The following POLRMT variants were observed in gnomAD, a reference collection of about 807,000 sequenced individuals.
The protein encoded by POLRMT is RNA polymerase mitochondrial.
POLRMT carries 114 observed loss-of-function variants against 132.2 expected under a neutral mutation model. That is an observed-to-expected ratio of 0.86 (90% CI 0.74 to 1.01). The LOEUF is 1.01. Among genes scored for constraint, POLRMT ranks in the 50% least tolerant of loss-of-function variants. The pLI is 0.00. For missense variants in POLRMT, 2,003 were observed against 1,729.1 expected (o/e 1.16, Z -2.81); for synonymous variants, 1,020 against 773.4 (o/e 1.32, Z -5.29).
In POLRMT at chr19:617,468, G is replaced by T. The variant is rs752550126; in HGVS notation, c.3594C>A (p.Ile1198=). ...VKRFCSEPQK[I]LEASQLKETL... is the part of the protein sequence containing the mutation. ...TCTCCTTCAGCTGGCTGGCCTCCAA[G>T]ATCTTCTGGGGCCTGGGGTTGGAAG... Residue 1198 remains isoleucine, a synonymous_variant, in exon 20 of 21, where the codon ATC becomes ATA. Transcript: ENST00000588649. 2.5e-6 allele frequency: 4 copies of T among 1,603,172 alleles called. No individual in the cohort carries two copies. The South Asian group carries it at 4.4e-5, about 18-fold the overall frequency.
Position 630,128 on chromosome 19 carries a change from C to G in POLRMT, c.234G>C (p.Val78=). ...ARVRQLQAES[V]SEVVVNRVDV... is the part of the protein sequence containing the mutation. ...CCACCCTGTTCACCACCACCTCCGA[C>G]ACGCTCTCAGCCTGCAGCTGCCGCA... Residue 78 remains valine (V), a synonymous_variant, in exon 3 of 21, where the codon GTG becomes GTC. Transcript: ENST00000588649. 1 of 1,610,016 alleles carries G rather than the reference C, an allele frequency of 6.2e-7. No homozygotes were observed. Among genetic ancestry groups the G allele is most frequent in the Non-Finnish European group, 8.5e-7 (1 of 1,177,714 alleles).
rs199810114 is a variant in POLRMT, at chr19:617,256, G to A, written c.*18C>T. 4.3e-6 allele frequency: 7 copies of A among 1,612,270 alleles called. No individual in the cohort carries two copies. In the African/African-American group the frequency reaches 8.0e-5, roughly 18 times the overall value. ...GGCAAAAGAGCTTTATTTACACACT[G>A]ACAAGGCTCACGGGGTGTCAGCTGA... On this transcript the variant is annotated 3_prime_UTR_variant, in exon 21 of 21. Coordinates refer to ENST00000588649, the MANE Select transcript of POLRMT (RefSeq NM_005035.4).
intron 11 of POLRMT, 31 bp downstream of exon 11, chr19:620,334 C>G (rs750524678): frequency 6.5e-7 from 1 of 1,538,016 alleles, no homozygotes; most frequent in African/African-American, 1.4e-5. Flanking sequence ...GCACACTGCA[C>G]GGCCTCGGGG....
chr19:632,546 G>T (rs937893795), intron 2 of POLRMT, among the ~76,000 whole-genome samples: 3 of 149,386 alleles, frequency 2.0e-5, no homozygotes, highest in African/African-American at 7.4e-5. Flanking sequence ...CGGGGGGGGG[G>T]TCTCTCCAGA....
In POLRMT at chr19:624,779, G is replaced by T. The variant is rs1984900233; in HGVS notation, c.1080C>A (p.Leu360=). ...TGACCGGGGGCGGCAGCTGCGGCGGGAGGCTGAAGGTGGGCTTCACCTTGT... is the reference window on the plus strand; with the variant it reads ...TGACCGGGGGCGGCAGCTGCGGCGGTAGGCTGAAGGTGGGCTTCACCTTGT... ...AVHKVKPTFS[L]PPQLPPPVNT... is the part of the protein sequence containing the mutation. Residue 360 remains leucine (L), a synonymous_variant, in exon 5 of 21, where the codon CTC becomes CTA. Coordinates refer to ENST00000588649, the MANE Select transcript of POLRMT (RefSeq NM_005035.4). 1 of 1,613,546 alleles carries T rather than the reference G, an allele frequency of 6.2e-7. No homozygotes were observed. The highest frequency in any genetic ancestry group is 1.7e-5 in the Admixed American group (1 of 60,008).
chr19:629,567 G>A lies in POLRMT; in HGVS notation c.795C>T (p.Asn265=), dbSNP rs374707287. ...GCCGCGCCCAGCCAAGCATCACGGC[G>A]TTGTACATGTCCAGCGTGAGCAGCT... ...KRKLLTLDMY[N]AVMLGWARQG... Residue 265 remains asparagine (N), a synonymous_variant, in exon 3 of 21, where the codon AAC becomes AAT. Coordinates refer to ENST00000588649, the MANE Select transcript of POLRMT (RefSeq NM_005035.4). 95 of 1,566,708 alleles carry A rather than the reference G, an allele frequency of 6.1e-5. No homozygotes were observed. In the African/African-American group the frequency reaches 7.6e-4, roughly 13 times the overall value.
chr19:621,476 G>T lies in POLRMT; in HGVS notation c.2222C>A (p.Pro741Gln). 7.3e-7 allele frequency: 1 copy of T among 1,368,478 alleles called. No homozygotes were observed. The allele number at this position is 1,368,478 out of a possible 1,614,324, so 84.8% of individuals were successfully genotyped here. The change falls in exon 10 of 21, where the codon CCG becomes CAG. Residue 741 changes from proline (P) to glutamine (Q), a missense_variant. Physicochemically the swap from Pro to Gln is moderately conservative, Grantham distance 76. Transcript: ENST00000588649. ...VPAPPSEAPQPPEAHLPHSAA... is the reference protein window; with the variant it reads ...VPAPPSEAPQQPEAHLPHSAA... The stretch of plus-strand genomic sequence containing the variant: ...GCTGTGCGGCAGGTGGGCCTCGGGC[G>T]GCTGGGGCGCCTCGGAGGGCGGGGC...
rs141638617 is a variant in POLRMT, at chr19:624,777, G to A, written c.1082C>T (p.Pro361Leu). The A allele has an allele frequency of 9.0e-5, 146 of 1,613,660 alleles. No individual in the cohort carries two copies. In the African/African-American group the frequency reaches 1.5e-3, roughly 17 times the overall value. ...VHKVKPTFSL[P>L]PQLPPPVNTS... is the part of the protein sequence containing the mutation. Reference sequence around the variant, plus strand: ...GTTGACCGGGGGCGGCAGCTGCGGCGGGAGGCTGAAGGTGGGCTTCACCTT... The same window carrying A: ...GTTGACCGGGGGCGGCAGCTGCGGCAGGAGGCTGAAGGTGGGCTTCACCTT... Residue 361 changes from proline (P) to leucine (L), a missense_variant, in exon 5 of 21, where the codon CCG becomes CTG. Transcript: ENST00000588649.
chr19:620,944 A>AGGGGAGGAGGAAGAC, intron 10 of POLRMT, 114 bp downstream of exon 10: 1 of 239,774 alleles, frequency 4.2e-6, no homozygotes, highest in Non-Finnish European at 6.3e-6. Context: ...GGGGAGGGGG[A>AGGGGAGGAGGAAGAC]GGGGAGGAGG....
chr19:618,825 G>A, intron 15 of POLRMT, 65 bp from the exon 16 acceptor site: 5 of 1,519,302 alleles, frequency 3.3e-6, no homozygotes, highest in Non-Finnish European at 4.5e-6. Flanking sequence ...ACATTGAGGT[G>A]GTGGTACACT....
intron 3 of POLRMT, among the ~76,000 whole-genome samples, chr19:628,233 G>A (rs916844727): frequency 6.6e-6 from 1 of 152,206 alleles, no homozygotes; most frequent in African/African-American, 2.4e-5. Flanking sequence ...AAGCCGCCAG[G>A]TTTGGGACAC....
chr19:623,658 C>T (rs2144642360), intron 5 of POLRMT, 55 bp from the exon 6 acceptor site: 1 of 1,588,586 alleles, frequency 6.3e-7, no homozygotes, highest in South Asian at 1.1e-5. Context: ...ACCTGCCCTC[C>T]CAGGACCCCG....
chr19:627,131 G>T, intron 3 of POLRMT, among the ~76,000 whole-genome samples: 1 of 147,970 alleles, frequency 6.8e-6, no homozygotes, highest in Admixed American at 6.8e-5. Flanking sequence ...AGAGACCAGA[G>T]ACATGAGTTT....
rs576190008 is a variant in POLRMT, at chr19:620,591, C to T, written c.2641-104G>A. ...TGGGAAATGGGGAGGAGACGCACACCCGTGATAGTGAACACGGGACGCATG... is the reference window on the plus strand; with the variant it reads ...TGGGAAATGGGGAGGAGACGCACACTCGTGATAGTGAACACGGGACGCATG... On this transcript the variant is annotated intron_variant, in intron 10 of 20. Coordinates refer to ENST00000588649, the MANE Select transcript of POLRMT (RefSeq NM_005035.4). 3.5e-5 allele frequency: 47 copies of T among 1,360,734 alleles called. No individual in the cohort carries two copies. In the Middle Eastern group the frequency reaches 7.9e-4, roughly 23 times the overall value. 84.3% of individuals were successfully genotyped at this position (1,360,734 alleles called of 1,614,324 possible).
Position 622,135 on chromosome 19 carries a change from G to T in POLRMT, c.1851+14C>A. ...GCGGGATGCCCCCCAGCTCAGGAGGGCACTGCCTGGCACCTGCTGGACGTT... is the reference window on the plus strand; with the variant it reads ...GCGGGATGCCCCCCAGCTCAGGAGGTCACTGCCTGGCACCTGCTGGACGTT... On this transcript the variant is annotated intron_variant, in intron 9 of 20. Coordinates refer to ENST00000588649, the MANE Select transcript of POLRMT (RefSeq NM_005035.4). 1 of 1,533,110 alleles carries T rather than the reference G, an allele frequency of 6.5e-7. No homozygotes were observed. The allele number at this position is 1,533,110 out of a possible 1,614,324, so 95.0% of individuals were successfully genotyped here. A position where few individuals can be genotyped will look rare whatever the true frequency, so the allele number is the denominator to read the frequency against.
intron 2 of POLRMT, among the ~76,000 whole-genome samples, chr19:630,614 C>T (rs1474833110): frequency 6.6e-6 from 1 of 152,124 alleles, no homozygotes; most frequent in East Asian, 1.9e-4. Flanking sequence ...TGCACAGACT[C>T]CCAGGACCCT....
At position 619,709 on chromosome 19, in the gene POLRMT, C is replaced by T. The variant is rs1288033360; in HGVS notation, c.2943G>A (p.Leu981=). The change falls in exon 13 of 21, where the codon CTG becomes CTA. Residue 981 remains leucine (L), a synonymous_variant. Coordinates refer to ENST00000588649, the MANE Select transcript of POLRMT (RefSeq NM_005035.4). ...CCACCTTGCGGGTGATGAAACCTTC[C>T]AGCACCTGTGCCACCCGCATGCCCC... ...AQRGMRVAQV[L]EGFITRKVVK... is the part of the protein sequence containing the mutation. The T allele has an allele frequency of 1.9e-6, 3 of 1,607,084 alleles. No homozygotes were observed. The South Asian group carries it at 3.3e-5, about 18-fold the overall frequency.
At chr19:633,051 C>T in intron 1 of POLRMT, 113 bp from the exon 2 acceptor site, 1 of 752,820 alleles carries the variant, frequency 1.3e-6, no homozygotes, top group Non-Finnish European at 2.0e-6. Flanking sequence ...AGCGGAAACT[C>T]TCGGAGCACG....
intron 2 of POLRMT, among the ~76,000 whole-genome samples, chr19:630,593 C>T (rs529388751): frequency 6.6e-6 from 1 of 152,234 alleles, no homozygotes; most frequent in Non-Finnish European, 1.5e-5. Context: ...CACTGTCTAG[C>T]TCAGGGCCTC....
Sources: allele counts gnomAD v4.1 joint callset (sites outside exome capture counted in the v4.1 genomes callset), GRCh38; gene constraint gnomAD v4.1.1; transcripts MANE v1.5; gene names NCBI Gene and HGNC (gene_info 2026-07-23, HGNC 2026-07-21).